Variants in SLC29A4 observed in about 807,000 individuals in gnomAD.
SLC29A4 encodes the protein solute carrier family 29 member 4.
A neutral mutation model predicts 43.9 loss-of-function variants in SLC29A4; 36 were observed. The observed-to-expected ratio is 0.82, with a 90% CI of 0.63 to 1.08. The LOEUF (loss-of-function observed/expected upper bound fraction) is 1.08. Ranked by LOEUF, SLC29A4 falls within the 50% of genes least tolerant of loss-of-function variation. SLC29A4 has a pLI of 0.00. For synonymous variants in SLC29A4, 491 were observed against 338.0 expected (o/e 1.45, Z -4.97); for missense variants, 869 against 755.3 (o/e 1.15, Z -1.77).
At position 5,301,733 on chromosome 7, in the gene SLC29A4, C is replaced by T. The variant is rs183100257; in HGVS notation, c.1451-1064C>T. ...TTGTTTGGACGGCAGCCCACAGGAC[C>T]GGCTGATGGGTTGAGAGGTAGGGTG... On this transcript the variant is annotated intron_variant, in intron 10 of 10. Transcript: ENST00000396872. Among the ~76,000 whole-genome samples, 202 of 152,204 alleles carry T rather than the reference C, an allele frequency of 1.3e-3. 3 individuals are homozygous for T. The highest frequency in any genetic ancestry group is 4.1e-4 in the Non-Finnish European group (28 of 68,022).
intron 2 of SLC29A4, among the ~76,000 whole-genome samples, chr7:5,289,100 A>G (rs1367770562): frequency 1.3e-5 from 2 of 152,202 alleles, no homozygotes; most frequent in South Asian, 2.1e-4. Context: ...CTTTAGGCTC[A>G]GAAACCTGGG....
intron 5 of SLC29A4, 55 bp downstream of exon 5, chr7:5,291,876 C>G: frequency 6.4e-7 from 1 of 1,566,264 alleles, no homozygotes; most frequent in South Asian, 1.2e-5. Context: ...GACCCCATCC[C>G]ACCCCAGCCC....
chr7:5,299,772 C>T (rs1478023997), intron 9 of SLC29A4, among the ~76,000 whole-genome samples: 3 of 152,198 alleles, frequency 2.0e-5, no homozygotes, highest in Non-Finnish European at 2.9e-5. Flanking sequence ...AAGAAATGGC[C>T]AGGTGCAGTG....
chr7:5,301,318 A>G (rs1005453800), intron 10 of SLC29A4, among the ~76,000 whole-genome samples: 1 of 151,744 alleles, frequency 6.6e-6, no homozygotes, highest in Non-Finnish European at 1.5e-5. Context: ...AGTAAGTCCT[A>G]TGGGGAAAAA....
At chr7:5,292,942 G>A (rs1443978872) in intron 5 of SLC29A4, among the ~76,000 whole-genome samples, 5 of 150,500 alleles carry the variant, frequency 3.3e-5, no homozygotes, top group East Asian at 2.0e-4. Context: ...CAGGTGATCC[G>A]CCCACCTCAG....
intron 2 of SLC29A4, among the ~76,000 whole-genome samples, chr7:5,289,948 C>T (rs1289806627): frequency 2.0e-5 from 3 of 152,098 alleles, no homozygotes; most frequent in Non-Finnish European, 4.4e-5. Context: ...TGCAGTGGCC[C>T]AACCTTGGCT....
At chr7:5,289,097 C>T (rs527694222) in intron 2 of SLC29A4, among the ~76,000 whole-genome samples, 2 of 152,240 alleles carry the variant, frequency 1.3e-5, no homozygotes, top group Admixed American at 6.5e-5. Context: ...GTACTTTAGG[C>T]TCAGAAACCT....
Position 5,302,971 on chromosome 7 carries a change from G to A in SLC29A4, c.*32G>A. The A allele has an allele frequency of 6.3e-7, 1 of 1,590,946 alleles. No individual in the cohort carries two copies. ...CCCGCCCACTGCCAGGGACGCCGAG[G>A]GCCTGACCAGGGGCCCCGAGGCCTG... On this transcript the variant is annotated 3_prime_UTR_variant, in exon 11 of 11. Transcript: ENST00000396872.
At position 5,297,104 on chromosome 7, in the gene SLC29A4, C is replaced by T. The variant is rs1254483809; in HGVS notation, c.788C>T (p.Thr263Ile). The T allele has an allele frequency of 3.1e-6, 5 of 1,607,512 alleles. No homozygotes were observed. Among genetic ancestry groups the T allele is most frequent in the East Asian group, 4.5e-5 (2 of 44,884 alleles). Residue 263 changes from threonine (T) to isoleucine (I), a missense_variant, in exon 7 of 11, where the codon ACA becomes ATA. Thr to Ile is a moderately conservative substitution (Grantham distance 89). Transcript: ENST00000396872. ...AGCCGCTTCGTGCTCTTCTATACCA[C>T]ACGGCCGCGTGACAGCCACCGGGGC... ...RRSRFVLFYT[T>I]RPRDSHRGRP...
chr7:5,287,224 G>A (rs1237959036), intron 1 of SLC29A4, among the ~76,000 whole-genome samples: 1 of 152,114 alleles, frequency 6.6e-6, no homozygotes. Flanking sequence ...ACCAGCCTGG[G>A]CAATGTAGTG....
intron 1 of SLC29A4, among the ~76,000 whole-genome samples, chr7:5,286,829 G>T (rs1784982773): frequency 6.6e-6 from 1 of 152,210 alleles, no homozygotes; most frequent in African/African-American, 2.4e-5. Flanking sequence ...AGACCAAGGG[G>T]TTTCTCACTT....
At chr7:5,284,032 A>ACCCCCCCCCCCCCCCCCCCCCCC (rs79051188) in intron 1 of SLC29A4, among the ~76,000 whole-genome samples, 1 of 72,250 alleles carries the variant, frequency 1.4e-5, no homozygotes, top group Non-Finnish European at 2.9e-5. Context: ...GAGCTGCACG[A>ACCCCCCCCCCCCCCCCCCCCCCC]CCCCCCCCCC....
At chr7:5,284,788 C>G (rs1784854953) in intron 1 of SLC29A4, among the ~76,000 whole-genome samples, 2 of 152,214 alleles carry the variant, frequency 1.3e-5, no homozygotes, top group South Asian at 4.1e-4. Context: ...CAGCTGCCCA[C>G]TTTGCCGACT....
At chr7:5,288,418 C>T (rs974682346) in intron 2 of SLC29A4, among the ~76,000 whole-genome samples, 4 of 148,032 alleles carry the variant, frequency 2.7e-5, no homozygotes, top group African/African-American at 1.0e-4. Context: ...CATTCTCCTG[C>T]CTCAGCCTCC....
intron 2 of SLC29A4, among the ~76,000 whole-genome samples, chr7:5,289,855 G>T (rs1047521326): frequency 6.6e-6 from 1 of 152,018 alleles, no homozygotes; most frequent in African/African-American, 2.4e-5. Context: ...CAGGCAAAGG[G>T]TGTTCACTCT....
chr7:5,295,010 C>G, intron 6 of SLC29A4, 76 bp downstream of exon 6: 3 of 1,268,568 alleles, frequency 2.4e-6, no homozygotes, highest in Non-Finnish European at 3.3e-6. Context: ...CAGGGACTCC[C>G]CATGATGCTC....
chr7:5,303,203 C>T lies in SLC29A4; in HGVS notation c.*264C>T, dbSNP rs914935998. ...TGGTCTCATACCTGCGTCTACCTTC[C>T]ATCTGTGTCCAGCGGCCCCGGCTCC... On this transcript the variant is annotated 3_prime_UTR_variant, in exon 11 of 11. Coordinates refer to ENST00000396872, the MANE Select transcript of SLC29A4 (RefSeq NM_153247.4). 5.4e-6 allele frequency: 3 copies of T among 552,222 alleles called. No individual in the cohort carries two copies. The highest frequency in any genetic ancestry group is 9.7e-6 in the Non-Finnish European group (3 of 309,734). The allele number at this position is 552,222 out of a possible 1,614,324, so 34.2% of individuals were successfully genotyped here. A position where few individuals can be genotyped will look rare whatever the true frequency, so the allele number is the denominator to read the frequency against.
In SLC29A4 at chr7:5,299,085, T is replaced by G; in HGVS notation, c.980T>G (p.Val327Gly). The G allele has an allele frequency of 6.2e-7, 1 of 1,610,546 alleles. No homozygotes were observed. The highest frequency in any genetic ancestry group is 8.5e-7 in the Non-Finnish European group (1 of 1,179,404). The change falls in exon 8 of 11, where the codon GTG becomes GGG. Residue 327 changes from valine to glycine, a missense_variant. Val to Gly is a moderately radical substitution (Grantham distance 109). Coordinates refer to ENST00000396872, the MANE Select transcript of SLC29A4 (RefSeq NM_153247.4). ...GGCGGGGCCTACATGCGCTTTGATG[T>G]GCCGCGGCCAAGGGTCCAGCGCAGC... The part of the protein sequence containing the change: ...GSGGAYMRFD[V>G]PRPRVQRSWP...
intron 10 of SLC29A4, among the ~76,000 whole-genome samples, chr7:5,301,123 G>C (rs1481574439): frequency 2.0e-5 from 3 of 152,110 alleles, no homozygotes; most frequent in East Asian, 1.9e-4. Context: ...AATTAGCTGG[G>C]TATGGTAGCG....
Sources: gnomAD v4.1 joint callset for allele counts (sites outside exome capture counted in the v4.1 genomes callset) on GRCh38, gnomAD v4.1.1 for gene constraint, MANE v1.5 for transcripts, NCBI Gene and HGNC (gene_info 2026-07-23, HGNC 2026-07-21) for gene names.